The following LYST variants were observed in gnomAD, a reference collection of about 807,000 sequenced individuals.
LYST encodes the protein lysosomal-trafficking regulator.
In LYST, 192 loss-of-function variants were observed where a neutral mutation model predicts 413.6. The observed-to-expected ratio is 0.46, with a 90% confidence interval of 0.41 to 0.52. The LOEUF is 0.52. LYST is among the 20% of genes least tolerant of loss of function. LYST has a pLI of 0.00. For missense variants in LYST, 3,815 were observed against 4,499.9 expected, an observed-to-expected ratio of 0.85 and a Z score of 4.35; for synonymous variants, 1,525 against 1,567.3, an observed-to-expected ratio of 0.97 and a Z score of 0.64.
chr1:235,738,495 G>A lies in LYST; in HGVS notation c.8358+2927C>T. ...TGTTATTGGAAGTGGTTGCAATCTG[G>A]ACTCAGCCCAATTCCGTTACCCAAT... On this transcript the variant is annotated intron_variant, in intron 31 of 52. Transcript: ENST00000389793. 4.3e-6 allele frequency: 7 copies of A among 1,612,184 alleles called. 1 individual carries two copies. In the South Asian group the frequency reaches 6.6e-5, roughly 15 times the overall value.
At chr1:235,764,307 G>A (rs1667889982) in intron 21 of LYST, among the ~76,000 whole-genome samples, 1 of 152,000 alleles carries the variant, frequency 6.6e-6, no homozygotes, top group South Asian at 2.1e-4. Flanking sequence ...CAACTAGGCT[G>A]TAAACGTCTT....
chr1:235,690,366 T>C lies in LYST; in HGVS notation c.10701+2984A>G, dbSNP rs374004334. Among the ~76,000 whole-genome samples the C allele has an allele frequency of 9.2e-5, 14 of 152,350 alleles. No individual in the cohort carries two copies. In the East Asian group the frequency reaches 2.5e-3, roughly 27 times the overall value. ...ACTGATTCTATAATATGTTTTTGTG[T>C]TTTCATTTATTTTGTAGACTCATTT... On this transcript the variant is annotated intron_variant, in intron 47 of 52. Coordinates refer to ENST00000389793, the MANE Select transcript of LYST (RefSeq NM_000081.4).
rs1254846711 is a variant in LYST at position 235,830,401 on chromosome 1, T to C, written c.17A>G (p.Asn6Ser). Residue 6 changes from asparagine (N) to serine (S), a missense_variant, in exon 3 of 53, where the codon AAC becomes AGC. By Grantham distance (46) the Asn-to-Ser change is conservative. Transcript: ENST00000389793. ...GGTCAGAAATTCACGTGCCAGTGAGTTACTGTCGGTGCTCATGACCGAGCT... is the reference window on the plus strand; with the variant it reads ...GGTCAGAAATTCACGTGCCAGTGAGCTACTGTCGGTGCTCATGACCGAGCT... The part of the protein sequence containing the change: MSTDS[N>S]SLAREFLTDV... 2 of 1,613,286 alleles carry C rather than the reference T, an allele frequency of 1.2e-6. No individual in the cohort carries two copies. Among genetic ancestry groups the C allele is most frequent in the Admixed American group, 3.3e-5 (2 of 59,948 alleles).
intron 1 of LYST, among the ~76,000 whole-genome samples, chr1:235,874,386 G>A (rs189574422): frequency 2.0e-5 from 3 of 152,296 alleles, no homozygotes; most frequent in Non-Finnish European, 1.5e-5. Context: ...AACTATAGTC[G>A]AGGGAGATGA....
chr1:235,693,269 T>C (rs1660821714), intron 47 of LYST, 81 bp downstream of exon 47: 2 of 1,051,328 alleles, frequency 1.9e-6, no homozygotes, highest in Admixed American at 1.8e-5. Context: ...TGAGCCAAGA[T>C]GTGTCACTGC....
At chr1:235,797,851 G>A (rs893947806) in intron 10 of LYST, among the ~76,000 whole-genome samples, 2 of 152,058 alleles carry the variant, frequency 1.3e-5, no homozygotes, top group African/African-American at 4.8e-5. Context: ...CAGAATGGGA[G>A]AAAATATTAA....
chr1:235,716,835 T>C (rs1662884972), intron 40 of LYST, 57 bp from the exon 41 acceptor site: 1 of 969,056 alleles, frequency 1.0e-6, no homozygotes, highest in Non-Finnish European at 1.7e-6. Context: ...AAGATTAAGC[T>C]CCCTAGATGT....
chr1:235,738,748 G>C (rs566036590), intron 31 of LYST: 1,466 of 1,367,974 alleles, frequency 1.1e-3, no homozygotes, highest in Non-Finnish European at 1.3e-3. Flanking sequence ...TACACATCCT[G>C]GGCCATTGGA....
chr1:235,848,284 T>C (rs1373024355), intron 1 of LYST, among the ~76,000 whole-genome samples: 1 of 152,134 alleles, frequency 6.6e-6, no homozygotes, highest in South Asian at 2.1e-4. Context: ...TGAATGAGCA[T>C]TGGGTCAAAA....
rs754991654 is a variant in LYST at position 235,810,400 on chromosome 1, A to G, written c.418T>C (p.Phe140Leu). 1 of 1,612,208 alleles carries G rather than the reference A, an allele frequency of 6.2e-7. No individual in the cohort carries two copies. Among genetic ancestry groups the G allele is most frequent in the Admixed American group, 1.7e-5 (1 of 59,598 alleles). Reference protein sequence around the residue: ...SSQVSAKVNVFRKSRRQRKIT... With the variant: ...SSQVSAKVNVLRKSRRQRKIT... ...TTACGCTGTCGTCTGCTTTTTCGAA[A>G]AACATTTACTTTTGCAGAAACCTGA... Residue 140 changes from phenylalanine to leucine, a missense_variant, in exon 5 of 53, where the codon TTT becomes CTT. Physicochemically the swap from Phe to Leu is conservative, Grantham distance 22 (BLOSUM62 0). This residue lies in a region of LYST where 1,648 missense variants were observed against 1,810.3 expected (regional missense o/e 0.91). Coordinates refer to ENST00000389793, the MANE Select transcript of LYST (RefSeq NM_000081.4).
chr1:235,749,046 C>T (rs953540326), intron 28 of LYST, among the ~76,000 whole-genome samples: 16 of 152,122 alleles, frequency 1.1e-4, no homozygotes, highest in East Asian at 9.6e-4. Flanking sequence ...GTAAAGAGAA[C>T]GGCTTGAGTC....
At chr1:235,814,202 G>T (rs535220717) in intron 3 of LYST, among the ~76,000 whole-genome samples, 5 of 152,032 alleles carry the variant, frequency 3.3e-5, no homozygotes, top group Non-Finnish European at 7.4e-5. Context: ...TATTAGGTTG[G>T]GATAAAGATG....
rs748576792 is a variant in LYST at position 235,806,333 on chromosome 1, C to T, written c.2803G>A (p.Glu935Lys). Residue 935 changes from glutamate (E) to lysine (K), a missense_variant, in exon 6 of 53, where the codon GAG (glutamate) becomes AAG (lysine). Glu to Lys is a moderately conservative substitution (Grantham distance 56). Coordinates refer to ENST00000389793, the MANE Select transcript of LYST (RefSeq NM_000081.4). The stretch of plus-strand genomic sequence containing the variant: ...CATGGCAGCATATGACTTAAAGGCT[C>T]GCTGGCTGTGCTGTCATAGCCAGAA... Reference protein sequence around the residue: ...DTSGYDSTASEPLSHMLPCIS... With the variant: ...DTSGYDSTASKPLSHMLPCIS... The T allele has an allele frequency of 5.0e-6, 8 of 1,613,812 alleles. No individual in the cohort carries two copies. In the Admixed American group the frequency reaches 5.0e-5, roughly 10 times the overall value.
chr1:235,681,956 T>G (rs1476665150), intron 48 of LYST, among the ~76,000 whole-genome samples: 1 of 152,154 alleles, frequency 6.6e-6, no homozygotes, highest in Non-Finnish European at 1.5e-5. Context: ...ACAAGAAGGA[T>G]TAACTGTGTG....
In LYST at chr1:235,661,456, G is replaced by A. The variant is rs1317935275; in HGVS notation, c.*1484C>T. 1 of 152,252 alleles carries A rather than the reference G, an allele frequency of 6.6e-6. No homozygotes were observed. Among genetic ancestry groups the A allele is most frequent in the Non-Finnish European group, 1.5e-5 (1 of 68,028 alleles). The allele number at this position is 152,252 out of a possible 1,614,324, so 9.4% of individuals were successfully genotyped here. A position where few individuals can be genotyped will look rare whatever the true frequency, so the allele number is the denominator to read the frequency against. ...CATCTCTGCACCTCCATGGACCTCA[G>A]GATTCACACCTGGCCTGAGCACACG... On this transcript the variant is annotated 3_prime_UTR_variant, in exon 53 of 53. Coordinates refer to ENST00000389793, the MANE Select transcript of LYST (RefSeq NM_000081.4).
chr1:235,712,758 G>A, intron 42 of LYST: 3 of 985,046 alleles, frequency 3.0e-6, no homozygotes, highest in Non-Finnish European at 3.6e-6. Flanking sequence ...AAAGAATTGA[G>A]TAAAATTTCC....
chr1:235,877,855 CAAAAAAA>C (rs59783076), intron 1 of LYST, among the ~76,000 whole-genome samples: 28 of 113,508 alleles, frequency 2.5e-4, no homozygotes, highest in African/African-American at 7.7e-4. Flanking sequence ...TATCTGCCAC[CAAAAAAA>C]AAAAAAAAAA....
At chr1:235,769,707 T>TATC (rs1668473125) in intron 20 of LYST, among the ~76,000 whole-genome samples, 1 of 152,114 alleles carries the variant, frequency 6.6e-6, no homozygotes. Flanking sequence ...CTGATACAAT[T>TATC]AGTGTCACTT....
At chr1:235,848,525 C>T (rs1678154010) in intron 1 of LYST, among the ~76,000 whole-genome samples, 1 of 151,702 alleles carries the variant, frequency 6.6e-6, no homozygotes, top group Non-Finnish European at 1.5e-5. Flanking sequence ...TAACCAAGAT[C>T]AGAGCAAAAC....
Sources: gnomAD v4.1 joint callset for allele counts (sites outside exome capture counted in the v4.1 genomes callset) on GRCh38, gnomAD v4.1.1 for gene constraint, gnomAD v4.1.1 regional missense constraint, MANE v1.5 for transcripts, NCBI Gene and HGNC (gene_info 2026-07-23, HGNC 2026-07-21) for gene names.